The following LRIG1 variants were observed in gnomAD, a reference collection of about 807,000 sequenced individuals.
The protein encoded by LRIG1 is leucine rich repeats and immunoglobulin like domains 1, also known as leucine-rich repeats and immunoglobulin-like domains protein 1.
LRIG1 carries 48 observed loss-of-function variants against 99.2 expected under a neutral mutation model. The ratio of observed to expected loss-of-function variants is 0.48; its 90% CI spans 0.38 to 0.62. LRIG1 has a LOEUF of 0.62. LRIG1 is among the 20% of genes least tolerant of loss of function. The pLI is 0.00. For synonymous variants in LRIG1, 772 were observed against 596.1 expected, an observed-to-expected ratio of 1.29 and a Z score of -4.30; for missense variants, 1,646 against 1,434.4, an observed-to-expected ratio of 1.15 and a Z score of -2.38.
At chr3:66,430,172 AAACAAC>A (rs367948791) in intron 3 of LRIG1, among the ~76,000 whole-genome samples, 12 of 129,422 alleles carry the variant, frequency 9.3e-5, no homozygotes, top group East Asian at 1.0e-3. Context: ...AAACAAAACA[AAACAAC>A]AACAACAACA....
At chr3:66,437,314 G>C (rs1006186053) in intron 3 of LRIG1, among the ~76,000 whole-genome samples, 7 of 152,336 alleles carry the variant, frequency 4.6e-5, no homozygotes, top group African/African-American at 1.7e-4. Flanking sequence ...GCAAACAGAG[G>C]CTTGAAAAGC....
At chr3:66,397,502 C>G (rs1701898975) in intron 11 of LRIG1, among the ~76,000 whole-genome samples, 1 of 151,524 alleles carries the variant, frequency 6.6e-6, no homozygotes, top group Admixed American at 6.6e-5. Context: ...ACCTGAGGAC[C>G]CAGACTAGCT....
At chr3:66,390,621 G>T (rs1370589831) in intron 12 of LRIG1, among the ~76,000 whole-genome samples, 3 of 152,088 alleles carry the variant, frequency 2.0e-5, no homozygotes, top group African/African-American at 7.2e-5. Context: ...CCAAAAAATT[G>T]TAAGGAAATG....
chr3:66,412,826 C>CACACT (rs1289962381), intron 6 of LRIG1, 45 bp downstream of exon 6: 5 of 1,604,438 alleles, frequency 3.1e-6, no homozygotes, highest in Non-Finnish European at 4.3e-6. Context: ...CACACCACAC[C>CACACT]GCACAGCAAT....
intron 1 of LRIG1, among the ~76,000 whole-genome samples, chr3:66,493,723 G>C (rs1386614842): frequency 6.6e-6 from 1 of 151,996 alleles, no homozygotes; most frequent in African/African-American, 2.4e-5. Context: ...TTGAGCCCAC[G>C]AGGCTGAGGC....
intron 3 of LRIG1, among the ~76,000 whole-genome samples, chr3:66,418,562 G>C (rs769021993): frequency 1.3e-4 from 20 of 152,198 alleles, no homozygotes; most frequent in African/African-American, 3.1e-4. Context: ...TCCAATATTA[G>C]ACACTTAGGA....
chr3:66,405,817 C>A (rs769367493), intron 8 of LRIG1: 44 of 1,157,088 alleles, frequency 3.8e-5, no homozygotes, highest in Non-Finnish European at 4.4e-5. Flanking sequence ...TGACTCTGAG[C>A]CAGGGAGGAC....
chr3:66,417,486 T>C, intron 3 of LRIG1: 2 of 534,468 alleles, frequency 3.7e-6, no homozygotes, highest in South Asian at 4.2e-5. Flanking sequence ...CAAAGTTCTA[T>C]CCCTAGGCTT....
At chr3:66,380,989 T>C in intron 17 of LRIG1, 128 bp from the exon 18 acceptor site, 1 of 865,802 alleles carries the variant, frequency 1.2e-6, no homozygotes, top group East Asian at 2.6e-5. Flanking sequence ...TATGCATGCT[T>C]CCTCTTTTCC....
At chr3:66,408,134 G>A (rs1268115682) in intron 7 of LRIG1, among the ~76,000 whole-genome samples, 1 of 152,178 alleles carries the variant, frequency 6.6e-6, no homozygotes, top group African/African-American at 2.4e-5. Context: ...CTTCCTCCCA[G>A]CACTCCTGCA....
intron 1 of LRIG1, among the ~76,000 whole-genome samples, chr3:66,498,676 G>C (rs561771817): frequency 3.3e-5 from 5 of 151,592 alleles, no homozygotes; most frequent in Non-Finnish European, 1.5e-5. Context: ...CTTCACAAAA[G>C]CTCTGCCTCC....
rs1191687854 is a variant in LRIG1, at chr3:66,379,639, C to G, written c.*624G>C. ...AGGACTTAAACCTAAAAGGAAAAGC[C>G]ATTCACTGCAAGTGTGGATGGCACT... is the stretch of plus-strand genomic sequence containing the variant. On this transcript the variant is annotated 3_prime_UTR_variant, in exon 19 of 19. Coordinates refer to ENST00000273261, the MANE Select transcript of LRIG1 (RefSeq NM_015541.3). 6.6e-6 allele frequency: 1 copy of G among 152,046 alleles called. No homozygotes were observed. The highest frequency in any genetic ancestry group is 2.4e-5 in the African/African-American group (1 of 41,432). 9.4% of individuals were successfully genotyped at this position (152,046 alleles called of 1,614,324 possible). A position where few individuals can be genotyped will look rare whatever the true frequency, so the allele number is the denominator to read the frequency against.
rs1397538747 is a variant in LRIG1, at chr3:66,380,676, C to T, written c.2956G>A (p.Gly986Arg). 1 of 1,614,096 alleles carries T rather than the reference C, an allele frequency of 6.2e-7. No individual in the cohort carries two copies. Among genetic ancestry groups the T allele is most frequent in the African/African-American group, 1.3e-5 (1 of 74,930 alleles). Reference sequence around the variant, plus strand: ...GACCCTTGGCACTCGGGGCAGGACCCAGCGGCAGTCCTGCTGCACTGGTGA... The same window carrying T: ...GACCCTTGGCACTCGGGGCAGGACCTAGCGGCAGTCCTGCTGCACTGGTGA... The part of the protein sequence containing the change: ...PHHQCSRTAA[G>R]SCPECQGSLY... The change falls in exon 18 of 19, where the codon GGG (glycine) becomes AGG (arginine). Residue 986 changes from glycine (G) to arginine (R), a missense_variant. Transcript: ENST00000273261.
chr3:66,445,147 C>CATT (rs951831374), intron 3 of LRIG1, among the ~76,000 whole-genome samples: 2 of 151,942 alleles, frequency 1.3e-5, no homozygotes, highest in Admixed American at 1.3e-4. Flanking sequence ...TAGCTGGAGT[C>CATT]ATTCACTCTT....
intron 1 of LRIG1, chr3:66,468,940 G>A (rs1214067756): frequency 1.3e-5 from 2 of 152,282 alleles, no homozygotes; most frequent in Middle Eastern, 3.4e-3. Context: ...TTTTATAAAA[G>A]AGAATAAGAC....
chr3:66,469,199 G>T (rs1252891812), intron 1 of LRIG1: 2 of 151,996 alleles, frequency 1.3e-5, no homozygotes, highest in African/African-American at 4.8e-5. Context: ...ATTCCCTATG[G>T]CAAAAGAACA....
chr3:66,404,423 C>A (rs1575664371), intron 9 of LRIG1: 1 of 1,201,202 alleles, frequency 8.3e-7, no homozygotes, highest in Non-Finnish European at 1.1e-6. Context: ...CTCTCGTCCC[C>A]TTCCTGCACG....
At chr3:66,485,614 G>GT (rs1008889992) in intron 1 of LRIG1, among the ~76,000 whole-genome samples, 1 of 152,122 alleles carries the variant, frequency 6.6e-6, no homozygotes, top group African/African-American at 2.4e-5. Context: ...ATACTTTACT[G>GT]TTTATAAATA....
In LRIG1 at chr3:66,471,573, G is replaced by A. The variant is rs952905066; in HGVS notation, c.219-9064C>T. 1.2e-4 allele frequency among the ~76,000 whole-genome samples: 18 copies of A among 152,220 alleles called. 1 individual carries two copies. Among genetic ancestry groups the A allele is most frequent in the Admixed American group, 1.0e-3 (16 of 15,282 alleles). On this transcript the variant is annotated intron_variant, in intron 1 of 18. Coordinates refer to ENST00000273261, the MANE Select transcript of LRIG1 (RefSeq NM_015541.3). ...AAGGCTCATCCATCCCAACCAGCAGGGACGGAGGGCATGGCGGGGATGAAG... is the reference window on the plus strand; with the variant it reads ...AAGGCTCATCCATCCCAACCAGCAGAGACGGAGGGCATGGCGGGGATGAAG...
Sources: gnomAD v4.1 joint callset for allele counts (sites outside exome capture counted in the v4.1 genomes callset) on GRCh38, gnomAD v4.1.1 for gene constraint, MANE v1.5 for transcripts, NCBI Gene and HGNC (gene_info 2026-07-23, HGNC 2026-07-21) for gene names.